The following CPNE4 variants were observed in gnomAD, a reference collection of about 807,000 sequenced individuals.
CPNE4 encodes copine-4.
A neutral mutation model predicts 67.9 loss-of-function variants in CPNE4; 25 were observed. That is an observed-to-expected ratio of 0.37 (90% CI 0.27 to 0.51). The LOEUF (loss-of-function observed/expected upper bound fraction) is 0.51. CPNE4 is among the 20% of genes least tolerant of loss of function. CPNE4 has a pLI of 0.93. For synonymous variants in CPNE4, 242 were observed against 244.9 expected, an observed-to-expected ratio of 0.99 and a Z score of 0.11; for missense variants, 464 against 690.8, an observed-to-expected ratio of 0.67 and a Z score of 3.68.
At chr3:131,797,321 C>G (rs762472342) in intron 2 of CPNE4, among the ~76,000 whole-genome samples, 2 of 152,154 alleles carry the variant, frequency 1.3e-5, no homozygotes, top group Non-Finnish European at 2.9e-5. Flanking sequence ...TACAGGAAAT[C>G]TCCAATTTAC....
intron 2 of CPNE4, among the ~76,000 whole-genome samples, chr3:131,816,466 G>C (rs959986244): frequency 2.6e-5 from 4 of 152,104 alleles, no homozygotes; most frequent in African/African-American, 9.7e-5. Flanking sequence ...ACTTTTCCTA[G>C]CTTGTTTTTC....
chr3:131,563,922 TA>T (rs1475261233), intron 11 of CPNE4, among the ~76,000 whole-genome samples: 7 of 152,048 alleles, frequency 4.6e-5, no homozygotes, highest in Non-Finnish European at 1.0e-4. Context: ...TGCTAGTGCA[TA>T]AGCAATTTTG....
At chr3:131,662,249 G>C (rs1384304317) in intron 7 of CPNE4, among the ~76,000 whole-genome samples, 1 of 152,198 alleles carries the variant, frequency 6.6e-6, no homozygotes, top group Admixed American at 6.5e-5. Flanking sequence ...TGGCAGTAGT[G>C]TGTCAGTCTG....
At chr3:131,826,654 G>A (rs1250016367) in intron 2 of CPNE4, among the ~76,000 whole-genome samples, 1 of 151,936 alleles carries the variant, frequency 6.6e-6, no homozygotes, top group Admixed American at 6.6e-5. Context: ...AAGTTCTTAC[G>A]TGTATTATAG....
At chr3:132,014,391 C>A (rs1437868748) in intron 1 of CPNE4, among the ~76,000 whole-genome samples, 1 of 152,016 alleles carries the variant, frequency 6.6e-6, no homozygotes, top group Non-Finnish European at 1.5e-5. Flanking sequence ...GGGCAGGGAA[C>A]AAGCACCCTG....
chr3:131,580,874 C>T (rs1047254709), intron 9 of CPNE4, among the ~76,000 whole-genome samples: 1 of 152,112 alleles, frequency 6.6e-6, no homozygotes, highest in Non-Finnish European at 1.5e-5. Flanking sequence ...TAAGGTACCA[C>T]ATATAAAACA....
chr3:131,957,060 A>C (rs908583792), intron 1 of CPNE4, among the ~76,000 whole-genome samples: 1 of 152,204 alleles, frequency 6.6e-6, no homozygotes, highest in African/African-American at 2.4e-5. Context: ...ATGTGAGGCA[A>C]CCTCTCCCAA....
At chr3:131,697,292 A>G (rs2081177126) in intron 4 of CPNE4, among the ~76,000 whole-genome samples, 1 of 152,222 alleles carries the variant, frequency 6.6e-6, no homozygotes, top group South Asian at 2.1e-4. Flanking sequence ...AAGTCAGGAG[A>G]AAAATAATGA....
chr3:131,654,437 C>G (rs958093161), intron 7 of CPNE4, among the ~76,000 whole-genome samples: 1 of 151,942 alleles, frequency 6.6e-6, no homozygotes, highest in Non-Finnish European at 1.5e-5. Flanking sequence ...TCTGTTGTTC[C>G]CCTCTTTGTG....
chr3:131,907,626 G>A (rs904986388), intron 1 of CPNE4, among the ~76,000 whole-genome samples: 16 of 151,670 alleles, frequency 1.1e-4, no homozygotes, highest in East Asian at 7.8e-4. Context: ...CACCAATAGC[G>A]TTTTATTGGA....
intron 2 of CPNE4, among the ~76,000 whole-genome samples, chr3:131,763,559 G>C (rs1433481198): frequency 6.6e-6 from 1 of 152,112 alleles, no homozygotes; most frequent in Non-Finnish European, 1.5e-5. Flanking sequence ...AGGAGATTAT[G>C]ATGGACAGAA....
intron 7 of CPNE4, among the ~76,000 whole-genome samples, chr3:131,600,456 A>G (rs942206566): frequency 1.3e-5 from 2 of 152,194 alleles, no homozygotes; most frequent in Non-Finnish European, 2.9e-5. Context: ...GGGAATCAGA[A>G]GTCTGCTTTG....
chr3:131,778,668 G>T (rs1484718833), intron 2 of CPNE4, among the ~76,000 whole-genome samples: 1 of 151,978 alleles, frequency 6.6e-6, no homozygotes, highest in East Asian at 1.9e-4. Flanking sequence ...AAATTCCAAG[G>T]GTAGCCCAGA....
At chr3:131,543,772 A>G (rs1935655336) in intron 14 of CPNE4, among the ~76,000 whole-genome samples, 1 of 152,240 alleles carries the variant, frequency 6.6e-6, no homozygotes, top group East Asian at 1.9e-4. Context: ...AAGTCCTGCT[A>G]TAAGAGGGTC....
intron 7 of CPNE4, among the ~76,000 whole-genome samples, chr3:131,633,213 C>T (rs1263582107): frequency 1.3e-5 from 2 of 152,170 alleles, no homozygotes; most frequent in Non-Finnish European, 2.9e-5. Flanking sequence ...CACTACCTCC[C>T]TAGTCCATTC....
At chr3:131,676,225 A>T (rs1818141) in intron 6 of CPNE4, among the ~76,000 whole-genome samples, 87,306 of 151,088 alleles carry the variant, frequency 0.58, 25,419 homozygotes, top group East Asian at 0.79. Flanking sequence ...TGCCTGGCTA[A>T]TTTTTGTATT....
At chr3:131,886,947 C>T (rs1037571472) in intron 2 of CPNE4, among the ~76,000 whole-genome samples, 1 of 152,250 alleles carries the variant, frequency 6.6e-6, no homozygotes, top group African/African-American at 2.4e-5. Context: ...GGACTACGGA[C>T]TTTTAGTTAA....
chr3:131,907,858 C>G (rs1456161995), intron 1 of CPNE4, among the ~76,000 whole-genome samples: 1 of 152,030 alleles, frequency 6.6e-6, no homozygotes, highest in South Asian at 2.1e-4. Context: ...TGGAGAGTTG[C>G]AATTCTGGTT....
chr3:131,945,532 C>A lies in CPNE4; in HGVS notation c.-1-40088G>T, dbSNP rs140507030. ...TCCTTTGATGAGCAGTCTTTGTTCT[C>A]GAGCTCCCCATTTCCTGGGTGAAAC... On this transcript the variant is annotated intron_variant, in intron 1 of 15. Coordinates refer to ENST00000429747, the MANE Select transcript of CPNE4 (RefSeq NM_130808.3). 1.8e-4 allele frequency among the ~76,000 whole-genome samples: 28 copies of A among 152,244 alleles called. No individual in the cohort carries two copies. In the East Asian group the frequency reaches 5.0e-3, roughly 27 times the overall value.
Sources: gnomAD v4.1 joint callset for allele counts (sites outside exome capture counted in the v4.1 genomes callset) on GRCh38, gnomAD v4.1.1 for gene constraint, MANE v1.5 for transcripts, NCBI Gene and HGNC (gene_info 2026-07-23, HGNC 2026-07-21) for gene names.